SPIRE1: variants seen among roughly 807,000 people sequenced by gnomAD.
The protein encoded by SPIRE1 is spire type actin nucleation factor 1.
Under a neutral mutation model 94.1 loss-of-function variants are expected in SPIRE1, and 40 were observed. That is an observed-to-expected ratio of 0.43 (90% CI 0.33 to 0.55). The LOEUF is 0.55. SPIRE1 is among the 20% of genes least tolerant of loss of function. SPIRE1 has a pLI of 0.06. For synonymous variants in SPIRE1, 376 were observed against 371.7 expected (o/e 1.01, Z -0.13); for missense variants, 838 against 975.2 (o/e 0.86, Z 1.87).
chr18:12,527,289 C>T (rs2034550713), intron 4 of SPIRE1, among the ~76,000 whole-genome samples: 1 of 152,158 alleles, frequency 6.6e-6, no homozygotes, highest in Non-Finnish European at 1.5e-5. Flanking sequence ...GTCCTTTTAT[C>T]ATCACAGGCA....
chr18:12,575,220 A>G (rs964662187), intron 2 of SPIRE1, among the ~76,000 whole-genome samples: 1 of 152,156 alleles, frequency 6.6e-6, no homozygotes, highest in Non-Finnish European at 1.5e-5. Flanking sequence ...GTGATACAGC[A>G]ATTATTCATG....
intron 9 of SPIRE1, among the ~76,000 whole-genome samples, chr18:12,485,394 C>T (rs559048891): frequency 1.2e-4 from 18 of 152,264 alleles, no homozygotes; most frequent in African/African-American, 3.1e-4. Context: ...CGTGAGCCAC[C>T]GCGCCCGGCC....
intron 8 of SPIRE1, among the ~76,000 whole-genome samples, chr18:12,486,418 G>C (rs550869290): frequency 6.6e-6 from 1 of 152,250 alleles, no homozygotes; most frequent in East Asian, 1.9e-4. Flanking sequence ...TTTATGTCAG[G>C]ATGAAAATTT....
chr18:12,511,295 G>A (rs1396359948), intron 5 of SPIRE1, among the ~76,000 whole-genome samples: 1 of 152,208 alleles, frequency 6.6e-6, no homozygotes, highest in East Asian at 1.9e-4. Context: ...TGGTGGATGA[G>A]CAAGCGTTAT....
chr18:12,550,302 T>C (rs1217212513), intron 2 of SPIRE1, among the ~76,000 whole-genome samples: 2 of 152,168 alleles, frequency 1.3e-5, no homozygotes, highest in Non-Finnish European at 2.9e-5. Context: ...AAGATGAAGA[T>C]GAAAAGAGAA....
At chr18:12,562,179 A>G (rs2035705675) in intron 2 of SPIRE1, among the ~76,000 whole-genome samples, 1 of 152,206 alleles carries the variant, frequency 6.6e-6, no homozygotes. Flanking sequence ...CCACATTTTC[A>G]TCCACTAAAA....
At chr18:12,574,904 T>C (rs1481188972) in intron 2 of SPIRE1, among the ~76,000 whole-genome samples, 1 of 152,220 alleles carries the variant, frequency 6.6e-6, no homozygotes, top group African/African-American at 2.4e-5. Context: ...ATGTACTGAA[T>C]GTGGATAAGA....
intron 12 of SPIRE1, among the ~76,000 whole-genome samples, chr18:12,456,560 G>A (rs522631): frequency 0.17 from 25,931 of 152,082 alleles, 4,214 homozygotes; most frequent in African/African-American, 0.42. Flanking sequence ...GATTTATTAC[G>A]TAGCAAATAA....
chr18:12,488,226 G>C (rs1347908489), intron 8 of SPIRE1, among the ~76,000 whole-genome samples: 1 of 152,158 alleles, frequency 6.6e-6, no homozygotes, highest in Admixed American at 6.5e-5. Flanking sequence ...AGAATAATTT[G>C]AGATGTTAAT....
intron 2 of SPIRE1, among the ~76,000 whole-genome samples, chr18:12,564,558 TCAA>T (rs2144415526): frequency 6.6e-6 from 1 of 151,978 alleles, no homozygotes; most frequent in African/African-American, 2.4e-5. Flanking sequence ...AATGGAAAAA[TCAA>T]CAACTCTTCC....
Position 12,511,860 on chromosome 18 carries a change from A to C in SPIRE1, c.807+594T>G, listed in dbSNP as rs1430558930. On this transcript the variant is annotated intron_variant, in intron 5 of 16. Coordinates refer to ENST00000409402, the MANE Select transcript of SPIRE1 (RefSeq NM_001128626.2). ...CTAACTCAGCCTCCCAAGTAGCTGG[A>C]ACCACAGGCACATGCCACCAGCCCG... 3.3e-5 allele frequency among the ~76,000 whole-genome samples: 5 copies of C among 152,072 alleles called. No individual in the cohort carries two copies. The East Asian group carries it at 7.7e-4, about 23-fold the overall frequency.
At chr18:12,477,979 G>GC (rs980885010) in intron 10 of SPIRE1, among the ~76,000 whole-genome samples, 9 of 152,090 alleles carry the variant, frequency 5.9e-5, no homozygotes, top group African/African-American at 2.2e-4. Context: ...AGCGGTGAGT[G>GC]CAAGACGGAA....
chr18:12,506,639 T>G lies in SPIRE1; in HGVS notation c.810A>C (p.Ala270=). ...DLEELKNADW[A]RFWVQVMRDL... Reference sequence around the variant, plus strand: ...CCCTCATCACCTGTACCCAGAATCGTGCCTGAAAGAACCAAGGATAGAGAG... The same window carrying G: ...CCCTCATCACCTGTACCCAGAATCGGGCCTGAAAGAACCAAGGATAGAGAG... Residue 270 remains alanine, a splice_region_variant and synonymous_variant, in exon 6 of 17, where the codon GCA becomes GCC. Coordinates refer to ENST00000409402, the MANE Select transcript of SPIRE1 (RefSeq NM_001128626.2). 6.2e-7 allele frequency: 1 copy of G among 1,614,024 alleles called. No individual in the cohort carries two copies. Among genetic ancestry groups the G allele is most frequent in the Non-Finnish European group, 8.5e-7 (1 of 1,179,964 alleles).
intron 8 of SPIRE1, among the ~76,000 whole-genome samples, chr18:12,490,674 T>G (rs767280623): frequency 3.9e-5 from 6 of 151,926 alleles, no homozygotes; most frequent in Non-Finnish European, 7.4e-5. Context: ...CGTAACAGAA[T>G]AAAGAATAAA....
In SPIRE1 at chr18:12,525,296, A is replaced by AAAAATAAT. The variant is rs1555619713; in HGVS notation, c.729+10179_729+10180insATTATTTT. Among the ~76,000 whole-genome samples the AAAAATAAT allele has an allele frequency of 5.8e-5, 7 of 120,168 alleles. No individual in the cohort carries two copies. The South Asian group carries it at 8.3e-4, about 14-fold the overall frequency. The allele number at this position is 120,168 out of a possible 152,430, so 78.8% of individuals were successfully genotyped here. ...CGTCTCAAAAAAAAAAAAAAAAAAA[A>AAAAATAAT]AATAATAATAATAATAATAATAACA... is the stretch of plus-strand genomic sequence containing the variant. On this transcript the variant is annotated intron_variant, in intron 4 of 16. Coordinates refer to ENST00000409402, the MANE Select transcript of SPIRE1 (RefSeq NM_001128626.2).
At chr18:12,537,966 C>T (rs544806418) in intron 3 of SPIRE1, among the ~76,000 whole-genome samples, 2 of 152,216 alleles carry the variant, frequency 1.3e-5, no homozygotes, top group African/African-American at 4.8e-5. Flanking sequence ...TAACAAAATC[C>T]CAACAGCCTT....
At position 12,657,631 on chromosome 18, in the gene SPIRE1, C is replaced by G; in HGVS notation, c.236G>C (p.Arg79Pro). ...LRAAARRRQP[R>P]HRVRSAAQIR... ...CTGCGCGGCCGAGCGCACACGGTGG[C>G]GGGGCTGGCGGCGGCGGGCGGCGGC... Residue 79 changes from arginine to proline, a missense_variant, in exon 1 of 17, where the codon CGC becomes CCC. Arg to Pro is a moderately radical substitution (Grantham distance 103). This residue lies in a region of SPIRE1 where 193 missense variants were observed against 170.5 expected (regional missense o/e 1.13). Transcript: ENST00000409402. 7.6e-7 allele frequency: 1 copy of G among 1,311,476 alleles called. No individual in the cohort carries two copies. The highest frequency in any genetic ancestry group is 9.7e-7 in the Non-Finnish European group (1 of 1,029,834). 81.2% of individuals were successfully genotyped at this position (1,311,476 alleles called of 1,614,324 possible). A position where few individuals can be genotyped will look rare whatever the true frequency, so the allele number is the denominator to read the frequency against.
At chr18:12,614,554 G>A (rs4353535) in intron 2 of SPIRE1, among the ~76,000 whole-genome samples, 3 of 152,272 alleles carry the variant, frequency 2.0e-5, no homozygotes, top group Admixed American at 6.5e-5. Flanking sequence ...AGTGGCTCAC[G>A]CCTGTAATCC....
At position 12,576,451 on chromosome 18, in the gene SPIRE1, G is replaced by A. The variant is rs182490697; in HGVS notation, c.373-29547C>T. On this transcript the variant is annotated intron_variant, in intron 2 of 16. Transcript: ENST00000409402. ...ACGAAAATTAGCCAGGTGTGGTGGC[G>A]GGTGCCTGTAATCCCAGCACTTTGG... 2.1e-3 allele frequency among the ~76,000 whole-genome samples: 314 copies of A among 149,798 alleles called. 1 individual carries two copies. Among genetic ancestry groups the A allele is most frequent in the African/African-American group, 6.6e-3 (270 of 40,700 alleles).
Sources: gnomAD v4.1 joint callset for allele counts (sites outside exome capture counted in the v4.1 genomes callset) on GRCh38, gnomAD v4.1.1 for gene constraint, gnomAD v4.1.1 regional missense constraint, MANE v1.5 for transcripts, NCBI Gene and HGNC (gene_info 2026-07-23, HGNC 2026-07-21) for gene names.